The following TAF1 variants were observed in gnomAD, a reference collection of about 807,000 sequenced individuals.
The protein encoded by TAF1 is TATA-box binding protein associated factor 1.
TAF1 carries 2 observed loss-of-function variants against 138.5 expected under a neutral mutation model. That is an observed-to-expected ratio of 0.01 (90% CI 0.01 to 0.05). The LOEUF (loss-of-function observed/expected upper bound fraction) is 0.05, where lower values mean the gene tolerates loss of function less well. Ranked by LOEUF, TAF1 falls within the 10% of genes least tolerant of loss-of-function variation. The pLI is 1.00. For missense variants in TAF1, 709 were observed against 1,478.0 expected (o/e 0.48, Z 8.53); for synonymous variants, 437 against 503.2 (o/e 0.87, Z 1.76).
intron 13 of TAF1, among the ~76,000 whole-genome samples, chrX:71,519,164 T>C (rs1408085043): frequency 1.9e-5 from 2 of 107,458 alleles, no homozygotes; most frequent in Admixed American, 1.0e-4. Flanking sequence ...CTACTAAAAA[T>C]ACAAAAAATC....
At chrX:71,504,856 A>G (rs2039594941) in intron 13 of TAF1, among the ~76,000 whole-genome samples, 1 of 107,629 alleles carries the variant, frequency 9.3e-6, no homozygotes, top group Admixed American at 1.0e-4. Flanking sequence ...GAGGCTGGGC[A>G]CGGTGGCTCA....
At chrX:71,485,084 A>G (rs942661088) in intron 13 of TAF1, 2 of 111,970 alleles carry the variant, frequency 1.8e-5, no homozygotes, top group Non-Finnish European at 3.8e-5. Context: ...CCTGGCCAAC[A>G]CTTTGACTGC....
chrX:71,444,570 A>G (rs940797290), intron 32 of TAF1, among the ~76,000 whole-genome samples: 2 of 110,065 alleles, frequency 1.8e-5, no homozygotes, highest in African/African-American at 6.6e-5. Flanking sequence ...AATTTCTAAA[A>G]TTTGTGTTTG....
chrX:71,489,524 A>G (rs2039236953), intron 13 of TAF1, among the ~76,000 whole-genome samples: 1 of 110,111 alleles, frequency 9.1e-6, no homozygotes, highest in Non-Finnish European at 1.9e-5. Flanking sequence ...TGAAAATACA[A>G]AATTAGCTGG....
chrX:71,449,297 G>A (rs762482977), intron 32 of TAF1, among the ~76,000 whole-genome samples: 4 of 111,415 alleles, frequency 3.6e-5, no homozygotes, highest in Non-Finnish European at 5.7e-5. Context: ...GCCTAATTTT[G>A]TATTTTTAGT....
At chrX:71,475,893 A>T (rs143985069) in intron 13 of TAF1, among the ~76,000 whole-genome samples, 1,835 of 110,809 alleles carry the variant, frequency 0.017, 34 homozygotes, top group African/African-American at 0.058. Flanking sequence ...GTGATGAGTG[A>T]GTTCTCTATT....
At chrX:71,500,036 G>T (rs1345401062) in intron 13 of TAF1, among the ~76,000 whole-genome samples, 1 of 110,628 alleles carries the variant, frequency 9.0e-6, no homozygotes, top group East Asian at 2.8e-4. Flanking sequence ...GGACATAACC[G>T]ATAGCCCGGG....
At chrX:71,529,228 C>T (rs766319936) in intron 14 of TAF1, among the ~76,000 whole-genome samples, 14 of 110,245 alleles carry the variant, frequency 1.3e-4, no homozygotes, top group Admixed American at 2.9e-4. Context: ...CCCGCCACCA[C>T]GCCTGACTAA....
At chrX:71,492,529 GC>G (rs1388276514) in intron 13 of TAF1, 1 of 123,543 alleles carries the variant, frequency 8.1e-6, no homozygotes, top group African/African-American at 3.2e-5. Context: ...GCGCTGCGTC[GC>G]CCTGCTCCTG....
chrX:71,508,084 C>CTA (rs1185059268), intron 13 of TAF1, among the ~76,000 whole-genome samples: 70 of 94,756 alleles, frequency 7.4e-4, no homozygotes, highest in East Asian at 4.3e-3. Flanking sequence ...CTCTCTCTCT[C>CTA]TCTATATATA....
At chrX:71,510,959 C>T (rs538809248) in intron 13 of TAF1, among the ~76,000 whole-genome samples, 14 of 110,989 alleles carry the variant, frequency 1.3e-4, no homozygotes, top group African/African-American at 3.9e-4. Flanking sequence ...CAAAATTAGC[C>T]GGGCGTGGTG....
intron 25 of TAF1, among the ~76,000 whole-genome samples, chrX:71,403,992 G>A (rs938208221): frequency 1.9e-5 from 2 of 104,062 alleles, no homozygotes; most frequent in African/African-American, 3.5e-5. Context: ...GTTTTTTCTC[G>A]AGACAGAGTC....
rs2036444917 is a variant in TAF1 at position 71,423,301 on chromosome X, G to A, written c.4575+62G>A. 2.4e-5 allele frequency: 28 copies of A among 1,190,945 alleles called. No homozygotes were observed. The South Asian group carries it at 2.7e-4, about 12-fold the overall frequency. ...GCAGGGGAAAGGAAAAATGTTTAGG[G>A]TGTACACGTGTGTGTATTTTGGAGA... On this transcript the variant is annotated intron_variant, in intron 30 of 37. Coordinates refer to ENST00000423759, the MANE Select transcript of TAF1 (RefSeq NM_004606.5).
intron 8 of TAF1, 76 bp downstream of exon 8, chrX:71,379,107 T>A: frequency 2.2e-4 from 76 of 343,433 alleles, no homozygotes; most frequent in Non-Finnish European, 2.7e-4. Flanking sequence ...CAGCTGTGAT[T>A]TTTTTTTTTT....
chrX:71,515,828 CA>C (rs753111228), intron 13 of TAF1, among the ~76,000 whole-genome samples: 11 of 111,476 alleles, frequency 9.9e-5, no homozygotes, highest in Non-Finnish European at 1.5e-4. Flanking sequence ...AGGGATTGTG[CA>C]GATGTAATTA....
chrX:71,497,667 G>T (rs1198750223), intron 13 of TAF1, among the ~76,000 whole-genome samples: 5 of 111,297 alleles, frequency 4.5e-5, no homozygotes, highest in African/African-American at 9.8e-5. Flanking sequence ...GAGAAGTTTT[G>T]TCCTGTGGGA....
At chrX:71,494,628 C>G (rs376469752) in intron 13 of TAF1, among the ~76,000 whole-genome samples, 78 of 111,485 alleles carry the variant, frequency 7.0e-4, no homozygotes, top group African/African-American at 2.3e-3. Flanking sequence ...CTATATAGAG[C>G]TACTCATTGT....
chrX:71,404,358 C>T (rs1357063377), intron 25 of TAF1, among the ~76,000 whole-genome samples: 1 of 110,253 alleles, frequency 9.1e-6, no homozygotes, highest in African/African-American at 3.3e-5. Flanking sequence ...GCCCAGGTTC[C>T]TTTTTCTTTT....
At chrX:71,422,804 A>G (rs1005447038) in intron 29 of TAF1, among the ~76,000 whole-genome samples, 1 of 110,840 alleles carries the variant, frequency 9.0e-6, no homozygotes, top group Admixed American at 9.6e-5. Flanking sequence ...CAGTGGTGCA[A>G]TCTCGGCTTA....
Sources: gnomAD v4.1 joint callset for allele counts (sites outside exome capture counted in the v4.1 genomes callset) on GRCh38, gnomAD v4.1.1 for gene constraint, MANE v1.5 for transcripts, NCBI Gene and HGNC (gene_info 2026-07-23, HGNC 2026-07-21) for gene names.